AJUBA: variants seen among roughly 807,000 people sequenced by gnomAD.
AJUBA encodes ajuba LIM protein.
Under a neutral mutation model 53.3 loss-of-function variants are expected in AJUBA, and 20 were observed. The observed-to-expected ratio is 0.38, with a 90% CI of 0.26 to 0.55. The LOEUF is 0.55. Ranked by LOEUF, AJUBA falls within the 20% of genes least tolerant of loss-of-function variation. The pLI is 0.80. For missense variants in AJUBA, 580 were observed against 730.5 expected (o/e 0.79, Z 2.38); for synonymous variants, 296 against 306.2 (o/e 0.97, Z 0.35).
rs778480007 is a variant in AJUBA at position 22,979,342 on chromosome 14, G to C, written c.1007-897C>G. Reference sequence around the variant, plus strand: ...CGGGCCTGCCCCACCTCTCCCCCTCGGCACGCTGCCACACTCCCTGCCTGT... The same window carrying C: ...CGGGCCTGCCCCACCTCTCCCCCTCCGCACGCTGCCACACTCCCTGCCTGT... On this transcript the variant is annotated intron_variant, in intron 1 of 7. Coordinates refer to ENST00000262713, the MANE Select transcript of AJUBA (RefSeq NM_032876.6). The surrounding 1 kb of genome is among the most constrained non-coding windows in gnomAD (Gnocchi z 4.0). Among the ~76,000 whole-genome samples the C allele has an allele frequency of 1.3e-5, 2 of 152,162 alleles. No homozygotes were observed. The highest frequency in any genetic ancestry group is 2.9e-5 in the Non-Finnish European group (2 of 68,022).
At position 22,978,349 on chromosome 14, in the gene AJUBA, G is replaced by A; in HGVS notation, c.1103C>T (p.Ser368Phe). The change falls in exon 2 of 8, where the codon TCT (serine) becomes TTT (phenylalanine). Residue 368 changes from serine (S) to phenylalanine (F), a missense_variant. Transcript: ENST00000262713. The part of the protein sequence containing the change: ...LYHTQCFVCC[S>F]CGRTLRCKAF... Reference sequence around the variant, plus strand: ...AGTATTGGGGCTACACTCACCACAAGAGCAGCAAACAAAGCACTGGGTGTG... The same window carrying A: ...AGTATTGGGGCTACACTCACCACAAAAGCAGCAAACAAAGCACTGGGTGTG... 1.2e-6 allele frequency: 2 copies of A among 1,613,450 alleles called. No homozygotes were observed. The highest frequency in any genetic ancestry group is 8.5e-7 in the Non-Finnish European group (1 of 1,179,502).
Position 22,981,690 on chromosome 14 carries a change from C to T in AJUBA, c.577G>A (p.Ala193Thr). The part of the protein sequence containing the change: ...LFGPPLAGAP[A>T]GYSPGGVPSA... Reference sequence around the variant, plus strand: ...GGGACCCCTCCGGGAGAATAGCCTGCCGGTGCTCCGGCCAGGGGTGGGCCA... The same window carrying T: ...GGGACCCCTCCGGGAGAATAGCCTGTCGGTGCTCCGGCCAGGGGTGGGCCA... Residue 193 changes from alanine (A) to threonine (T), a missense_variant, in exon 1 of 8, where the codon GCA becomes ACA. Physicochemically the swap from Ala to Thr is moderately conservative, Grantham distance 58. Transcript: ENST00000262713. 6.6e-7 allele frequency: 1 copy of T among 1,518,458 alleles called. No homozygotes were observed. The highest frequency in any genetic ancestry group is 1.2e-5 in the South Asian group (1 of 80,734). 94.1% of individuals were successfully genotyped at this position (1,518,458 alleles called of 1,614,324 possible).
chr14:22,978,254 G>A (rs554023936), intron 2 of AJUBA, 90 bp downstream of exon 2: 1 of 1,258,610 alleles, frequency 7.9e-7, no homozygotes, highest in Admixed American at 1.9e-5. Flanking sequence ...CAAATGAAGA[G>A]GCACAAGCTC....
chr14:22,974,569 C>T, intron 6 of AJUBA: 1 of 488,128 alleles, frequency 2.0e-6, no homozygotes, highest in Non-Finnish European at 3.7e-6. Flanking sequence ...CCTACATCTG[C>T]AGTCTGGTGA....
intron 2 of AJUBA, chr14:22,977,257 A>C: frequency 7.2e-6 from 7 of 971,266 alleles, no homozygotes; most frequent in Non-Finnish European, 8.6e-6. Context: ...TTTGGAAGCA[A>C]AGCAGGTCCC....
rs2139347979 is a variant in AJUBA at position 22,974,967 on chromosome 14, G to C, written c.1370+7C>G. 6.2e-7 allele frequency: 1 copy of C among 1,614,100 alleles called. No individual in the cohort carries two copies. The highest frequency in any genetic ancestry group is 1.1e-5 in the South Asian group (1 of 91,068). ...GTTCCACACTGCATCCCAAGGGGCA[G>C]ACTCACTTGTGGTAGTCGGTGACAC... On this transcript the variant is annotated splice_region_variant and intron_variant, in intron 5 of 7. Coordinates refer to ENST00000262713, the MANE Select transcript of AJUBA (RefSeq NM_032876.6).
Position 22,979,562 on chromosome 14 carries a change from T to C in AJUBA, c.1007-1117A>G, listed in dbSNP as rs956143008. Reference sequence around the variant, plus strand: ...AGCGGCACAAGGGGTATGTAGGGGTTCTGTCAAAGGAGGCAACCTGACTCC... The same window carrying C: ...AGCGGCACAAGGGGTATGTAGGGGTCCTGTCAAAGGAGGCAACCTGACTCC... On this transcript the variant is annotated intron_variant, in intron 1 of 7. Coordinates refer to ENST00000262713, the MANE Select transcript of AJUBA (RefSeq NM_032876.6). The surrounding 1 kb of genome is among the most constrained non-coding windows in gnomAD (Gnocchi z 4.0). Among the ~76,000 whole-genome samples the C allele has an allele frequency of 6.6e-6, 1 of 152,196 alleles. No individual in the cohort carries two copies. The highest frequency in any genetic ancestry group is 2.4e-5 in the African/African-American group (1 of 41,442).
chr14:22,974,724 C>G (rs1208203838), intron 6 of AJUBA, 115 bp downstream of exon 6: 1 of 1,231,556 alleles, frequency 8.1e-7, no homozygotes, highest in African/African-American at 1.5e-5. Flanking sequence ...GGAATCTTCA[C>G]AGAGTACATT....
rs2045087906 is a variant in AJUBA, at chr14:22,981,175, G to A, written c.1006+86C>T. 25 of 1,478,380 alleles carry A rather than the reference G, an allele frequency of 1.7e-5. 1 individual carries two copies. The South Asian group carries it at 3.2e-4, about 19-fold the overall frequency. The allele number at this position is 1,478,380 out of a possible 1,614,324, so 91.6% of individuals were successfully genotyped here. A position where few individuals can be genotyped will look rare whatever the true frequency, so the allele number is the denominator to read the frequency against. ...CCGCGTCTTCACCTCGGACCCCGGG[G>A]CACCGGCACTTTGGGCCGTCGGGGC... On this transcript the variant is annotated intron_variant, in intron 1 of 7. Transcript: ENST00000262713.
chr14:22,982,046 C>T lies in AJUBA; in HGVS notation c.221G>A (p.Arg74Gln). The change falls in exon 1 of 8, where the codon CGA becomes CAA. Residue 74 changes from arginine to glutamine, a missense_variant. Coordinates refer to ENST00000262713, the MANE Select transcript of AJUBA (RefSeq NM_032876.6). ...CGCCTCAAAGGAGCCGCGCTGATTTCGCTCAGCGTCCAGGGAACCTTGCTC... is the reference window on the plus strand; with the variant it reads ...CGCCTCAAAGGAGCCGCGCTGATTTTGCTCAGCGTCCAGGGAACCTTGCTC... ...AREQGSLDAE[R>Q]NQRGSFEAPR... 6.3e-7 allele frequency: 1 copy of T among 1,591,752 alleles called. No individual in the cohort carries two copies. The highest frequency in any genetic ancestry group is 8.5e-7 in the Non-Finnish European group (1 of 1,173,642).
chr14:22,982,169 G>A lies in AJUBA; in HGVS notation c.98C>T (p.Pro33Leu), dbSNP rs1428791770. 1 of 1,613,132 alleles carries A rather than the reference G, an allele frequency of 6.2e-7. No individual in the cohort carries two copies. The highest frequency in any genetic ancestry group is 8.5e-7 in the Non-Finnish European group (1 of 1,179,600). ...SRSGSDGTPG[P>L]GKGRLSGLGG... ...CAACCCACTTAGGCGCCCCTTGCCC[G>A]GCCCGGGGGTCCCGTCAGACCCAGA... is the stretch of plus-strand genomic sequence containing the variant. The change falls in exon 1 of 8, where the codon CCG becomes CTG. Residue 33 changes from proline to leucine, a missense_variant. Pro to Leu is a moderately conservative substitution (Grantham distance 98). Coordinates refer to ENST00000262713, the MANE Select transcript of AJUBA (RefSeq NM_032876.6).
In AJUBA at chr14:22,982,000, A is replaced by T. The variant is rs199546117; in HGVS notation, c.267T>A (p.Phe89Leu). ...CCCGGGTGGGCGGCGGCCCCGCGGG[A>T]AAAGAGCCTTCGTAGCGCGGCGCCT... ...SFEAPRYEGSFPAGPPPTRAL... is the reference protein window; with the variant it reads ...SFEAPRYEGSLPAGPPPTRAL... Residue 89 changes from phenylalanine (F) to leucine (L), a missense_variant, in exon 1 of 8, where the codon TTT (phenylalanine) becomes TTA (leucine). Phe to Leu is a conservative substitution (Grantham distance 22). Coordinates refer to ENST00000262713, the MANE Select transcript of AJUBA (RefSeq NM_032876.6). 1.3e-6 allele frequency: 2 copies of T among 1,584,216 alleles called. No individual in the cohort carries two copies. The highest frequency in any genetic ancestry group is 1.4e-5 in the African/African-American group (1 of 73,146).
At position 22,982,274 on chromosome 14, in the gene AJUBA, G is replaced by A. The variant is rs1386045137; in HGVS notation, c.-8C>T. 1.9e-6 allele frequency: 3 copies of A among 1,611,220 alleles called. No individual in the cohort carries two copies. The highest frequency in any genetic ancestry group is 1.3e-5 in the African/African-American group (1 of 74,670). The stretch of plus-strand genomic sequence containing the variant: ...CTCTCCTAACCGCTCCATGCCCTCG[G>A]GCCTGGGGCCTCTCGCCCCCTCCCC... On this transcript the variant is annotated 5_prime_UTR_variant, in exon 1 of 8. Transcript: ENST00000262713.
At chr14:22,973,977 T>C (rs2045009734) in intron 7 of AJUBA, 70 bp downstream of exon 7, 1 of 1,561,202 alleles carries the variant, frequency 6.4e-7, no homozygotes, top group Non-Finnish European at 8.8e-7. Flanking sequence ...GTCTGGTTGT[T>C]GCAGGACTTG....
intron 6 of AJUBA, chr14:22,974,557 C>A (rs1261275836): frequency 1.7e-5 from 8 of 472,876 alleles, no homozygotes; most frequent in Non-Finnish European, 2.7e-5. Context: ...CTTTTTCCAG[C>A]CCCTACATCT....
intron 4 of AJUBA, 109 bp downstream of exon 4, chr14:22,976,347 C>A (rs1397977635): frequency 8.0e-6 from 9 of 1,123,732 alleles, no homozygotes; most frequent in East Asian, 2.3e-5. Context: ...GAAAGTGATT[C>A]ATCTGGTGAC....
chr14:22,982,354 C>G lies in AJUBA; in HGVS notation c.-88G>C. On this transcript the variant is annotated 5_prime_UTR_variant, in exon 1 of 8. Transcript: ENST00000262713. ...GGTTCTCTTTCCCTGCAGCCGGACT[C>G]TGGTTCCCCAGGGGCACAGGGGAGG... 3 of 1,562,786 alleles carry G rather than the reference C, an allele frequency of 1.9e-6. No homozygotes were observed. Among genetic ancestry groups the G allele is most frequent in the Admixed American group, 1.9e-5 (1 of 53,606 alleles).
rs11846952 is a variant in AJUBA, at chr14:22,973,497, A to G, written c.1563T>C (p.His521=). 1.5e-3 allele frequency: 2,391 copies of G among 1,614,126 alleles called. 39 individuals carry two copies. In the African/African-American group the frequency reaches 0.028, roughly 19 times the overall value. The stretch of plus-strand genomic sequence containing the variant: ...CATTGAGCCGCTGCATGTGGCAACC[A>G]TGGCAGAGCAAGTGCCCATCCAGAG... ...CFPLDGHLLC[H]GCHMQRLNAR... The change falls in exon 8 of 8, where the codon CAT becomes CAC. Residue 521 remains histidine, a synonymous_variant. Coordinates refer to ENST00000262713, the MANE Select transcript of AJUBA (RefSeq NM_032876.6).
rs1035120531 is a variant in AJUBA at position 22,971,193 on chromosome 14, T to G, written c.*2250A>C. On this transcript the variant is annotated 3_prime_UTR_variant, in exon 8 of 8. Coordinates refer to ENST00000262713, the MANE Select transcript of AJUBA (RefSeq NM_032876.6). The stretch of plus-strand genomic sequence containing the variant: ...ACAAGCTTGTCTGGATTTCCCATCA[T>G]AGGGCCTTTGTATTCACTTATTTAA... 1 of 151,652 alleles carries G rather than the reference T, an allele frequency of 6.6e-6. No homozygotes were observed. The highest frequency in any genetic ancestry group is 1.5e-5 in the Non-Finnish European group (1 of 67,970). The allele number at this position is 151,652 out of a possible 1,614,324, so 9.4% of individuals were successfully genotyped here.
Sources: gnomAD v4.1 joint callset for allele counts (sites outside exome capture counted in the v4.1 genomes callset) on GRCh38, gnomAD v4.1.1 for gene constraint, Gnocchi (gnomAD v3.1) non-coding constraint, MANE v1.5 for transcripts, NCBI Gene and HGNC (gene_info 2026-07-23, HGNC 2026-07-21) for gene names.